The following SMARCC1 variants were observed in gnomAD, a reference collection of about 807,000 sequenced individuals.
The protein encoded by SMARCC1 is SWI/SNF complex subunit SMARCC1.
A neutral mutation model predicts 147.4 loss-of-function variants in SMARCC1; 43 were observed. That is an observed-to-expected ratio of 0.29 (90% confidence interval 0.23 to 0.38). The LOEUF (loss-of-function observed/expected upper bound fraction) is 0.38, where lower values mean the gene tolerates loss of function less well. SMARCC1 is among the 10% of genes least tolerant of loss of function. The pLI is 1.00. For missense variants in SMARCC1, 1,119 were observed against 1,381.1 expected (o/e 0.81, Z 3.01); for synonymous variants, 495 against 484.4 (o/e 1.02, Z -0.29).
intron 18 of SMARCC1, among the ~76,000 whole-genome samples, chr3:47,671,693 C>T (rs1029285418): frequency 6.6e-6 from 1 of 152,210 alleles, no homozygotes; most frequent in Non-Finnish European, 1.5e-5. Flanking sequence ...CACTCATCTT[C>T]AGGGGACTTG....
intron 14 of SMARCC1, among the ~76,000 whole-genome samples, chr3:47,681,538 A>G (rs1456914539): frequency 6.6e-6 from 1 of 152,204 alleles, no homozygotes; most frequent in South Asian, 2.1e-4. Flanking sequence ...TGCTGCTAAT[A>G]TAAGTGTGTG....
intron 12 of SMARCC1, among the ~76,000 whole-genome samples, chr3:47,689,956 G>A (rs1225415316): frequency 1.3e-5 from 2 of 152,158 alleles, no homozygotes; most frequent in Non-Finnish European, 2.9e-5. Flanking sequence ...ATAGGAAAGA[G>A]GTAGTATTAA....
chr3:47,600,946 T>TA lies in SMARCC1; in HGVS notation c.3043+9119dup, dbSNP rs543546684. 2.6e-3 allele frequency among the ~76,000 whole-genome samples: 287 copies of TA among 111,064 alleles called. 2 individuals carry two copies. In the South Asian group the frequency reaches 0.034, roughly 13 times the overall value. The allele number at this position is 111,064 out of a possible 152,430, so 72.9% of individuals were successfully genotyped here. A position where few individuals can be genotyped will look rare whatever the true frequency, so the allele number is the denominator to read the frequency against. ...AGTAAAGGATGTATGTCTTTTCCATTAAAAAAAAAAAATCAGGTATTTTTT... is the reference window on the plus strand; with the variant it reads ...AGTAAAGGATGTATGTCTTTTCCATTAAAAAAAAAAAAATCAGGTATTTTTT... On this transcript the variant is annotated intron_variant, in intron 26 of 27. Transcript: ENST00000254480.
chr3:47,714,380 G>A, intron 8 of SMARCC1, 35 bp downstream of exon 8: 1 of 1,320,820 alleles, frequency 7.6e-7, no homozygotes, highest in Non-Finnish European at 1.1e-6. Flanking sequence ...ATTTTAAAAA[G>A]ATTATTGTAA....
chr3:47,778,672 T>C (rs1020328177), intron 1 of SMARCC1, among the ~76,000 whole-genome samples: 4 of 152,040 alleles, frequency 2.6e-5, no homozygotes, highest in African/African-American at 9.7e-5. Context: ...AAAACAAAAA[T>C]TTATTAGTCT....
intron 14 of SMARCC1, among the ~76,000 whole-genome samples, chr3:47,685,705 A>C (rs2033712878): frequency 6.6e-6 from 1 of 152,122 alleles, no homozygotes; most frequent in African/African-American, 2.4e-5. Context: ...AAAAATACAA[A>C]AATTAGCCTG....
intron 1 of SMARCC1, among the ~76,000 whole-genome samples, chr3:47,773,415 CAAA>C (rs751850101): frequency 4.2e-5 from 3 of 70,980 alleles, no homozygotes; most frequent in Admixed American, 1.5e-4. Flanking sequence ...TGTTTTTTAC[CAAA>C]AAAAAAAAAA....
At chr3:47,664,464 C>T (rs1460401109) in intron 19 of SMARCC1, among the ~76,000 whole-genome samples, 1 of 152,062 alleles carries the variant, frequency 6.6e-6, no homozygotes, top group Non-Finnish European at 1.5e-5. Context: ...AATTTATAAA[C>T]TACATACATT....
chr3:47,780,165 T>TTG (rs2035026589), intron 1 of SMARCC1, among the ~76,000 whole-genome samples: 1 of 119,044 alleles, frequency 8.4e-6, no homozygotes, highest in African/African-American at 3.2e-5. Context: ...TTGGTTTTTT[T>TTG]TTGTTTTTTT....
At chr3:47,773,291 CT>C (rs1212896987) in intron 1 of SMARCC1, among the ~76,000 whole-genome samples, 2 of 151,704 alleles carry the variant, frequency 1.3e-5, no homozygotes, top group African/African-American at 4.8e-5. Flanking sequence ...CTACCCCCAA[CT>C]ACTTTTGTAT....
At chr3:47,694,614 C>A (rs1323240415) in intron 11 of SMARCC1, among the ~76,000 whole-genome samples, 1 of 152,132 alleles carries the variant, frequency 6.6e-6, no homozygotes, top group Non-Finnish European at 1.5e-5. Flanking sequence ...ACAACAACAA[C>A]AAAAAACCAC....
chr3:47,701,242 A>C lies in SMARCC1; in HGVS notation c.1165+36T>G, dbSNP rs1207111310. 5 of 1,593,060 alleles carry C rather than the reference A, an allele frequency of 3.1e-6. No individual in the cohort carries two copies. The South Asian group carries it at 5.6e-5, about 18-fold the overall frequency. Reference sequence around the variant, plus strand: ...CCATGGTATTGCTGAGAATGACTAAATTAAATCTAACACTCTCATGCAGAA... The same window carrying C: ...CCATGGTATTGCTGAGAATGACTAACTTAAATCTAACACTCTCATGCAGAA... On this transcript the variant is annotated intron_variant, in intron 11 of 27. Coordinates refer to ENST00000254480, the MANE Select transcript of SMARCC1 (RefSeq NM_003074.4).
chr3:47,662,810 C>T (rs543689180), intron 19 of SMARCC1, among the ~76,000 whole-genome samples: 24 of 151,802 alleles, frequency 1.6e-4, no homozygotes, highest in Admixed American at 1.3e-3. Context: ...CGGTGGCTCA[C>T]GCGTATAATC....
chr3:47,778,212 A>AAAAAAAAAAC (rs1553693293), intron 1 of SMARCC1, among the ~76,000 whole-genome samples: 1 of 121,320 alleles, frequency 8.2e-6, no homozygotes, highest in African/African-American at 3.1e-5. Flanking sequence ...ACAAAAAACA[A>AAAAAAAAAAC]AAAACAAAAA....
intron 21 of SMARCC1, among the ~76,000 whole-genome samples, chr3:47,647,883 T>A (rs748017722): frequency 6.6e-6 from 1 of 152,224 alleles, no homozygotes; most frequent in African/African-American, 2.4e-5. Flanking sequence ...TTGTGGCCAA[T>A]CTAGTTTATT....
chr3:47,781,139 G>A (rs2035041224), intron 1 of SMARCC1, among the ~76,000 whole-genome samples: 1 of 152,146 alleles, frequency 6.6e-6, no homozygotes, highest in South Asian at 2.1e-4. Flanking sequence ...AATTCATATT[G>A]CCTGTTATTA....
rs75890548 is a variant in SMARCC1 at position 47,598,003 on chromosome 3, T to C, written c.3044-7166A>G. The stretch of plus-strand genomic sequence containing the variant: ...GGTATAGAACTCCCAGAGTTTCAAA[T>C]AGAGCAGTGGCAAACAGAGACTTAC... On this transcript the variant is annotated intron_variant, in intron 26 of 27. Coordinates refer to ENST00000254480, the MANE Select transcript of SMARCC1 (RefSeq NM_003074.4). 4.5e-3 allele frequency among the ~76,000 whole-genome samples: 690 copies of C among 152,280 alleles called. 1 individual carries two copies. The highest frequency in any genetic ancestry group is 9.7e-3 in the South Asian group (47 of 4,826).
At chr3:47,684,456 G>A (rs993079820) in intron 14 of SMARCC1, among the ~76,000 whole-genome samples, 2 of 120,562 alleles carry the variant, frequency 1.7e-5, no homozygotes, top group African/African-American at 6.4e-5. Context: ...TTTTTTTTTT[G>A]GGAGACAGAG....
intron 21 of SMARCC1, among the ~76,000 whole-genome samples, chr3:47,650,852 A>T (rs2033181448): frequency 6.6e-6 from 1 of 152,178 alleles, no homozygotes; most frequent in Non-Finnish European, 1.5e-5. Context: ...AAAGTTTAAT[A>T]AAATCTTTAT....
Sources: allele counts gnomAD v4.1 joint callset (sites outside exome capture counted in the v4.1 genomes callset), GRCh38; gene constraint gnomAD v4.1.1; transcripts MANE v1.5; gene names NCBI Gene and HGNC (gene_info 2026-07-23, HGNC 2026-07-21).